SLC25A28: variants seen among roughly 807,000 people sequenced by gnomAD.
SLC25A28 encodes the protein solute carrier family 25 member 28, also known as mitoferrin-2.
Under a neutral mutation model 31.9 loss-of-function variants are expected in SLC25A28, and 10 were observed. That is an observed-to-expected ratio of 0.31 (90% CI 0.19 to 0.53). SLC25A28 has a LOEUF of 0.53. Among genes scored for constraint, SLC25A28 ranks in the 20% least tolerant of loss-of-function variants. The pLI is 0.95. For missense variants in SLC25A28, 256 were observed against 490.3 expected, an observed-to-expected ratio of 0.52 and a Z score of 4.51; for synonymous variants, 208 against 203.6, an observed-to-expected ratio of 1.02 and a Z score of -0.19.
chr10:99,618,130 C>T (rs2034700687), intron 1 of SLC25A28: 2 of 371,998 alleles, frequency 5.4e-6, no homozygotes, highest in South Asian at 2.2e-4. Context: ...TCCATCTTGT[C>T]ACAGGGCAAA....
chr10:99,631,883 T>TC, the SLC25A28 span, among the ~76,000 whole-genome samples: 1 of 95,172 alleles, frequency 1.1e-5, no homozygotes, highest in Admixed American at 1.1e-4. Flanking sequence ...ATGTTATTTT[T>TC]TTTTTTTATT....
In SLC25A28 at chr10:99,617,574, TGAAG is replaced by T. The variant is rs2034688035; in HGVS notation, c.291+2467_291+2470del. 6 of 985,458 alleles carry T rather than the reference TGAAG, an allele frequency of 6.1e-6. No individual in the cohort carries two copies. The Admixed American group carries it at 3.7e-4, about 61-fold the overall frequency. The allele number at this position is 985,458 out of a possible 1,614,324, so 61.0% of individuals were successfully genotyped here. A position where few individuals can be genotyped will look rare whatever the true frequency, so the allele number is the denominator to read the frequency against. On this transcript the variant is annotated intron_variant, in intron 1 of 3. Transcript: ENST00000370495. ...GACAAGCAAACTGGGAAGTCTTTTCTGAAGGAAGAGATTTGAATTTTACTTTCAT... is the reference window on the plus strand; with the variant it reads ...GACAAGCAAACTGGGAAGTCTTTTCTGAAGAGATTTGAATTTTACTTTCAT...
In SLC25A28 at chr10:99,620,085, A is replaced by C. The variant is rs2034748281; in HGVS notation, c.251T>G (p.Ile84Ser). ...GGGGTACATCACGCAGTGCTCCAGG[A>C]TCCCTGCCACGGCGCCTGCCACCAT... is the stretch of plus-strand genomic sequence containing the variant. The part of the protein sequence containing the change: ...THMVAGAVAG[I>S]LEHCVMYPID... The change falls in exon 1 of 4, where the codon ATC becomes AGC. Residue 84 changes from isoleucine (I) to serine (S), a missense_variant. Ile to Ser is a moderately radical substitution (Grantham distance 142). This residue lies in a region of SLC25A28 where 158 missense variants were observed against 379.1 expected (regional missense o/e 0.42). Coordinates refer to ENST00000370495, the MANE Select transcript of SLC25A28 (RefSeq NM_031212.4). 2 of 1,581,120 alleles carry C rather than the reference A, an allele frequency of 1.3e-6. No homozygotes were observed. The highest frequency in any genetic ancestry group is 1.7e-6 in the Non-Finnish European group (2 of 1,171,064).
the SLC25A28 span, among the ~76,000 whole-genome samples, chr10:99,633,934 G>A: frequency 6.6e-6 from 1 of 152,198 alleles, no homozygotes; most frequent in African/African-American, 2.4e-5. Flanking sequence ...ACAGGTGCTG[G>A]TATCCATGGC....
intron 2 of SLC25A28, 23 bp from the exon 3 acceptor site, chr10:99,612,622 C>G: frequency 6.2e-7 from 1 of 1,614,144 alleles, no homozygotes; most frequent in Non-Finnish European, 8.5e-7. Context: ...AAACAACTGC[C>G]ACATGTAAGG....
At chr10:99,659,185 C>A in the SLC25A28 span, among the ~76,000 whole-genome samples, 1 of 152,228 alleles carries the variant, frequency 6.6e-6, no homozygotes, top group African/African-American at 2.4e-5. The surrounding 1 kb of genome is among the most constrained non-coding windows in gnomAD (Gnocchi z 4.1). Flanking sequence ...GAGAAAGCAA[C>A]CAGCCGAGAG....
the SLC25A28 span, among the ~76,000 whole-genome samples, chr10:99,648,186 G>T: frequency 6.7e-6 from 1 of 148,440 alleles, no homozygotes; most frequent in Admixed American, 6.7e-5. Context: ...TTGTAGTAGA[G>T]ATGAGGTTTC....
the SLC25A28 span, among the ~76,000 whole-genome samples, chr10:99,643,669 T>G: frequency 6.6e-6 from 1 of 152,192 alleles, no homozygotes; most frequent in African/African-American, 2.4e-5. Flanking sequence ...GGGTATGAAT[T>G]TTAGATCTTT....
the SLC25A28 span, among the ~76,000 whole-genome samples, chr10:99,659,000 G>A: frequency 1.3e-5 from 2 of 152,238 alleles, no homozygotes; most frequent in African/African-American, 4.8e-5. Context: ...AGACAGTGAG[G>A]TCGGGGCATC....
rs1240215802 is a variant in SLC25A28 at position 99,620,182 on chromosome 10, G to C, written c.154C>G (p.Pro52Ala). The C allele has an allele frequency of 6.6e-7, 1 of 1,507,270 alleles. No individual in the cohort carries two copies. Among genetic ancestry groups the C allele is most frequent in the Non-Finnish European group, 8.8e-7 (1 of 1,132,370 alleles). The allele number at this position is 1,507,270 out of a possible 1,614,324, so 93.4% of individuals were successfully genotyped here. A position where few individuals can be genotyped will look rare whatever the true frequency, so the allele number is the denominator to read the frequency against. Residue 52 changes from proline (P) to alanine (A), a missense_variant, in exon 1 of 4, where the codon CCG becomes GCG. Physicochemically the swap from Pro to Ala is conservative, Grantham distance 27. Transcript: ENST00000370495. The part of the protein sequence containing the change: ...GGGEAGACRP[P>A]VRQDPDSGPD... Reference sequence around the variant, plus strand: ...CCGGAGTCCGGATCTTGTCGTACCGGGGGCCTGCAGGCCCCGGCCTCCCCG... The same window carrying C: ...CCGGAGTCCGGATCTTGTCGTACCGCGGGCCTGCAGGCCCCGGCCTCCCCG...
the SLC25A28 span, among the ~76,000 whole-genome samples, chr10:99,659,238 C>T: frequency 6.6e-6 from 1 of 152,326 alleles, no homozygotes; most frequent in African/African-American, 2.4e-5. This position sits in a 1 kb window ranked among gnomAD's most constrained non-coding sequence, Gnocchi z 4.1. Context: ...CCGCCCAGCG[C>T]CACTCACCTG....
At chr10:99,639,438 A>C in the SLC25A28 span, among the ~76,000 whole-genome samples, 1 of 152,082 alleles carries the variant, frequency 6.6e-6, no homozygotes, top group African/African-American at 2.4e-5. Context: ...CCACAAAAGA[A>C]CATATGTAAC....
chr10:99,636,560 G>A, the SLC25A28 span, among the ~76,000 whole-genome samples: 3,434 of 152,130 alleles, frequency 0.023, 61 homozygotes, highest in Non-Finnish European at 0.031. Flanking sequence ...TCAAGGAACT[G>A]GAGAAACAAG....
upstream of SLC25A28, among the ~76,000 whole-genome samples, chr10:99,624,677 A>G (rs546302828): frequency 1.3e-4 from 20 of 152,296 alleles, 1 homozygote; most frequent in South Asian, 3.9e-3. Context: ...TCTACTAAAA[A>G]TACAAAAATT....
chr10:99,622,294 C>T (rs1473416729), upstream of SLC25A28, among the ~76,000 whole-genome samples: 1 of 152,186 alleles, frequency 6.6e-6, no homozygotes, highest in Admixed American at 6.5e-5. Context: ...CATGCCACTA[C>T]ACTCCAGCCT....
At chr10:99,617,987 G>A (rs2034698514) in intron 1 of SLC25A28, among the ~76,000 whole-genome samples, 2 of 152,116 alleles carry the variant, frequency 1.3e-5, no homozygotes. Context: ...GGGTTTATAG[G>A]CCTCAGAAGT....
chr10:99,637,433 A>C, the SLC25A28 span, among the ~76,000 whole-genome samples: 1 of 152,182 alleles, frequency 6.6e-6, no homozygotes, highest in Non-Finnish European at 1.5e-5. Context: ...TGGAAGTCCC[A>C]GCCAGAGCAA....
At chr10:99,617,578 G>A (rs1271618663) in intron 1 of SLC25A28, 1 of 985,412 alleles carries the variant, frequency 1.0e-6, no homozygotes, top group East Asian at 1.1e-4. Context: ...CTTTTCTGAA[G>A]GAAGAGATTT....
chr10:99,659,191 G>C, the SLC25A28 span, among the ~76,000 whole-genome samples: 14 of 152,354 alleles, frequency 9.2e-5, no homozygotes, highest in African/African-American at 3.1e-4. This position sits in a 1 kb window ranked among gnomAD's most constrained non-coding sequence, Gnocchi z 4.1. Context: ...GCAACCAGCC[G>C]AGAGTTCGCG....
Sources: gnomAD v4.1 joint callset for allele counts (sites outside exome capture counted in the v4.1 genomes callset) on GRCh38, gnomAD v4.1.1 for gene constraint, gnomAD v4.1.1 regional missense constraint, Gnocchi (gnomAD v3.1) non-coding constraint, MANE v1.5 for transcripts, NCBI Gene and HGNC (gene_info 2026-07-23, HGNC 2026-07-21) for gene names.